Variants in NRG3 observed in about 807,000 individuals in gnomAD.
The protein encoded by NRG3 is neuregulin 3.
Under a neutral mutation model 66.9 loss-of-function variants are expected in NRG3, and 31 were observed. That is an observed-to-expected ratio of 0.46 (90% confidence interval 0.35 to 0.63). NRG3 has a LOEUF of 0.63. NRG3 is among the 20% of genes least tolerant of loss of function. NRG3 has a pLI of 0.00. For synonymous variants in NRG3, 393 were observed against 359.4 expected (o/e 1.09, Z -1.06); for missense variants, 910 against 878.9 (o/e 1.04, Z -0.45).
At chr10:82,459,928 A>G (rs1005209736) in intron 2 of NRG3, among the ~76,000 whole-genome samples, 2 of 152,206 alleles carry the variant, frequency 1.3e-5, no homozygotes, top group Non-Finnish European at 2.9e-5. Flanking sequence ...ACGGAATACA[A>G]AAGACAAAGA....
chr10:82,437,499 C>T (rs2090203019), intron 2 of NRG3, among the ~76,000 whole-genome samples: 1 of 151,912 alleles, frequency 6.6e-6, no homozygotes, highest in African/African-American at 2.4e-5. Flanking sequence ...TTTAGCTCAT[C>T]ATAGTTTTTT....
At chr10:82,649,077 C>G (rs2051196242) in intron 2 of NRG3, among the ~76,000 whole-genome samples, 1 of 152,118 alleles carries the variant, frequency 6.6e-6, no homozygotes, top group African/African-American at 2.4e-5. Context: ...ACAGGGATGC[C>G]CTCTCTCACC....
At chr10:82,761,914 CTTTCTTTCTCTTTCT>C (rs1393845863) in intron 3 of NRG3, among the ~76,000 whole-genome samples, 4 of 136,184 alleles carry the variant, frequency 2.9e-5, no homozygotes, top group African/African-American at 1.1e-4. Flanking sequence ...TTTCTTCTTT[CTTTCTTTCTCTTTCT>C]TTCTTTCTTT....
At chr10:82,182,253 TGAAAA>T (rs1334361589) in intron 1 of NRG3, among the ~76,000 whole-genome samples, 1 of 151,620 alleles carries the variant, frequency 6.6e-6, no homozygotes, top group Non-Finnish European at 1.5e-5. Context: ...AAGGAGTTCT[TGAAAA>T]GGAAGGACTT....
intron 3 of NRG3, among the ~76,000 whole-genome samples, chr10:82,803,519 A>C (rs2061141134): frequency 6.6e-6 from 1 of 152,162 alleles, no homozygotes; most frequent in African/African-American, 2.4e-5. Flanking sequence ...AATCTCAGAA[A>C]TCTTGTGATG....
intron 1 of NRG3, among the ~76,000 whole-genome samples, chr10:81,918,733 C>T (rs1054836138): frequency 1.4e-4 from 21 of 151,504 alleles, no homozygotes; most frequent in African/African-American, 5.1e-4. Context: ...TTTTATTTTA[C>T]TAATGAAATG....
At chr10:82,682,333 A>G (rs755695557) in intron 2 of NRG3, among the ~76,000 whole-genome samples, 33 of 152,154 alleles carry the variant, frequency 2.2e-4, no homozygotes, top group Non-Finnish European at 4.1e-4. Context: ...GTTCACTTAG[A>G]TATAGATAGA....
chr10:82,065,867 C>T (rs1290446644), intron 1 of NRG3, among the ~76,000 whole-genome samples: 2 of 152,134 alleles, frequency 1.3e-5, no homozygotes, highest in African/African-American at 4.8e-5. Context: ...TATCCCAACT[C>T]TTTGTGTAGT....
chr10:82,405,714 C>T (rs569889261), intron 2 of NRG3, among the ~76,000 whole-genome samples: 3 of 152,254 alleles, frequency 2.0e-5, no homozygotes, highest in Non-Finnish European at 2.9e-5. Context: ...GTGATCCACC[C>T]GCCTCAGCCT....
intron 1 of NRG3, among the ~76,000 whole-genome samples, chr10:82,118,635 T>C (rs931180074): frequency 2.0e-5 from 3 of 152,158 alleles, no homozygotes; most frequent in Non-Finnish European, 4.4e-5. Context: ...GACCTTGTTT[T>C]CTCTGAAATT....
chr10:82,030,464 C>T (rs567494290), intron 1 of NRG3, among the ~76,000 whole-genome samples: 31 of 152,054 alleles, frequency 2.0e-4, no homozygotes, highest in Non-Finnish European at 3.5e-4. Flanking sequence ...GGAGTTAGTG[C>T]GCCTGGCTTA....
At chr10:82,817,224 A>G (rs563643328) in intron 3 of NRG3, among the ~76,000 whole-genome samples, 1 of 152,196 alleles carries the variant, frequency 6.6e-6, no homozygotes, top group African/African-American at 2.4e-5. Context: ...TGGTTCCTGG[A>G]CTGCCTTTCT....
At chr10:82,562,020 A>G (rs1303751825) in intron 2 of NRG3, among the ~76,000 whole-genome samples, 1 of 152,182 alleles carries the variant, frequency 6.6e-6, no homozygotes, top group African/African-American at 2.4e-5. Context: ...AATAACATGC[A>G]TCTTGGAATT....
intron 4 of NRG3, among the ~76,000 whole-genome samples, chr10:82,937,291 G>A (rs1848170468): frequency 6.6e-6 from 1 of 152,170 alleles, no homozygotes; most frequent in South Asian, 2.1e-4. Context: ...ATGGTACAAA[G>A]CATCTCATTT....
chr10:82,435,768 T>G (rs1362415556), intron 2 of NRG3, among the ~76,000 whole-genome samples: 3 of 143,684 alleles, frequency 2.1e-5, no homozygotes, highest in African/African-American at 8.0e-5. Flanking sequence ...TGAGTGAGTT[T>G]CTTTTCTTTT....
intron 1 of NRG3, among the ~76,000 whole-genome samples, chr10:82,234,188 A>AT (rs1447465328): frequency 6.6e-6 from 1 of 152,060 alleles, no homozygotes; most frequent in African/African-American, 2.4e-5. Context: ...TTCCAACATA[A>AT]TTTTTTTCAC....
At chr10:82,185,813 T>C (rs1248600734) in intron 1 of NRG3, among the ~76,000 whole-genome samples, 1 of 152,206 alleles carries the variant, frequency 6.6e-6, no homozygotes, top group Non-Finnish European at 1.5e-5. Flanking sequence ...TTACATCTCA[T>C]CATTGGTTTT....
intron 1 of NRG3, among the ~76,000 whole-genome samples, chr10:82,154,539 TG>T (rs2071039621): frequency 6.6e-6 from 1 of 151,694 alleles, no homozygotes; most frequent in African/African-American, 2.4e-5. Flanking sequence ...AAGATTGCTT[TG>T]GCTATTTGGG....
At position 81,948,750 on chromosome 10, in the gene NRG3, C is replaced by T. The variant is rs536499519; in HGVS notation, c.823+72587C>T. 2.6e-5 allele frequency among the ~76,000 whole-genome samples: 4 copies of T among 152,322 alleles called. No individual in the cohort carries two copies. The South Asian group carries it at 8.3e-4, about 32-fold the overall frequency. Reference sequence around the variant, plus strand: ...TTAGAGGGCAACCTATAGGCCCATCCTCATTTCCCACACTGATTGCAAATT... The same window carrying T: ...TTAGAGGGCAACCTATAGGCCCATCTTCATTTCCCACACTGATTGCAAATT... On this transcript the variant is annotated intron_variant, in intron 1 of 8. Transcript: ENST00000372141.
Sources: allele counts gnomAD v4.1 joint callset (sites outside exome capture counted in the v4.1 genomes callset), GRCh38; gene constraint gnomAD v4.1.1; transcripts MANE v1.5; gene names NCBI Gene and HGNC (gene_info 2026-07-23, HGNC 2026-07-21).